The following MYSM1 variants were observed in gnomAD, a reference collection of about 807,000 sequenced individuals.
MYSM1 encodes deubiquitinase MYSM1.
MYSM1 carries 51 observed loss-of-function variants against 116.0 expected under a neutral mutation model. That is an observed-to-expected ratio of 0.44 (90% CI 0.35 to 0.56). The LOEUF (loss-of-function observed/expected upper bound fraction) is 0.56, where lower values mean the gene tolerates loss of function less well. MYSM1 is among the 20% of genes least tolerant of loss of function. The pLI is 0.00. For synonymous variants in MYSM1, 313 were observed against 315.2 expected, an observed-to-expected ratio of 0.99 and a Z score of 0.07; for missense variants, 900 against 974.9, an observed-to-expected ratio of 0.92 and a Z score of 1.02.
chr1:58,672,000 T>C (rs746631568), intron 11 of MYSM1, 42 bp from the exon 12 acceptor site: 1 of 1,483,590 alleles, frequency 6.7e-7, no homozygotes, highest in Non-Finnish European at 9.4e-7. Flanking sequence ...CATCATCTAC[T>C]AAGAGGCAGA....
Position 58,695,129 on chromosome 1 carries a change from A to C in MYSM1, c.147T>G (p.Ile49Met), listed in dbSNP as rs1312663261. Residue 49 changes from isoleucine to methionine, a missense_variant and splice_region_variant, in exon 2 of 20, where the codon ATT becomes ATG. Around this residue, in one of 3 missense-constraint regions of MYSM1, gnomAD observed 622 missense variants for 623.7 expected, o/e 1.00. Transcript: ENST00000472487. ...CCTGATATTTTTATAAAATACTTAC[A>C]ATAAGGCCATTCTCTGTTCTCCAAG... ...DSSWRTENGL[I>M]PWTLDNTISE... is the part of the protein sequence containing the mutation. 1 of 1,581,506 alleles carries C rather than the reference A, an allele frequency of 6.3e-7. No homozygotes were observed.
intron 2 of MYSM1, 39 bp downstream of exon 2, chr1:58,695,090 A>G: frequency 7.6e-7 from 1 of 1,310,490 alleles, no homozygotes; most frequent in Non-Finnish European, 1.1e-6. Flanking sequence ...GGCAATAAAT[A>G]ACAGCTTAAT....
At chr1:58,699,943 C>T in intron 1 of MYSM1, 42 bp downstream of exon 1, 1 of 1,612,248 alleles carries the variant, frequency 6.2e-7, no homozygotes, top group Non-Finnish European at 8.5e-7. Context: ...CTTCAATCCA[C>T]TCCCCTCTCC....
At chr1:58,693,013 T>C in intron 2 of MYSM1, 82 bp from the exon 3 acceptor site, 1 of 1,060,956 alleles carries the variant, frequency 9.4e-7, no homozygotes, top group Non-Finnish European at 1.4e-6. Flanking sequence ...AAAATACATG[T>C]TATAATGATT....
At chr1:58,660,674 T>C (rs1350898542) in intron 19 of MYSM1, among the ~76,000 whole-genome samples, 1 of 152,110 alleles carries the variant, frequency 6.6e-6, no homozygotes, top group Non-Finnish European at 1.5e-5. Flanking sequence ...CTATCCCCAA[T>C]TGCTATTTAA....
In MYSM1 at chr1:58,664,310, G is replaced by A. The variant is rs564946841; in HGVS notation, c.2164+1189C>T. 2.6e-5 allele frequency among the ~76,000 whole-genome samples: 4 copies of A among 152,266 alleles called. No homozygotes were observed. The South Asian group carries it at 8.3e-4, about 32-fold the overall frequency. ...TGAGCTAAAGAATAATATGTATTAT[G>A]TGCTATGCTCAAAATGGACATTCCA... On this transcript the variant is annotated intron_variant, in intron 17 of 19. Coordinates refer to ENST00000472487, the MANE Select transcript of MYSM1 (RefSeq NM_001085487.3).
At chr1:58,693,336 T>C (rs1644928181) in intron 2 of MYSM1, among the ~76,000 whole-genome samples, 1 of 152,188 alleles carries the variant, frequency 6.6e-6, no homozygotes, top group Admixed American at 6.5e-5. Context: ...TCCTACTCAT[T>C]TTCAACGCTC....
At chr1:58,696,946 T>C (rs943440480) in intron 1 of MYSM1, among the ~76,000 whole-genome samples, 4 of 152,198 alleles carry the variant, frequency 2.6e-5, no homozygotes, top group African/African-American at 9.7e-5. Context: ...TGATCAGATC[T>C]GGATATAAGA....
intron 12 of MYSM1, among the ~76,000 whole-genome samples, chr1:58,670,371 G>T (rs1644542342): frequency 6.6e-6 from 1 of 152,142 alleles, no homozygotes; most frequent in Admixed American, 6.5e-5. Flanking sequence ...TGAAGGACTA[G>T]AAATAGACAA....
chr1:58,684,270 A>G (rs1194454641), intron 7 of MYSM1, among the ~76,000 whole-genome samples: 1 of 152,188 alleles, frequency 6.6e-6, no homozygotes, highest in East Asian at 1.9e-4. Flanking sequence ...AAGAGGATAT[A>G]TTAAAAAATT....
chr1:58,678,977 C>T (rs1052123105), intron 8 of MYSM1, among the ~76,000 whole-genome samples: 5 of 152,048 alleles, frequency 3.3e-5, no homozygotes, highest in African/African-American at 7.3e-5. Context: ...AAAGTGAGAA[C>T]GAGGTTGTCA....
Position 58,677,075 on chromosome 1 carries a change from T to C in MYSM1, c.1260-19A>G. The C allele has an allele frequency of 6.4e-7, 1 of 1,567,000 alleles. No homozygotes were observed. The highest frequency in any genetic ancestry group is 8.6e-7 in the Non-Finnish European group (1 of 1,159,146). On this transcript the variant is annotated intron_variant, in intron 8 of 19. Transcript: ENST00000472487. ...TATCTCCCTAATTAAGAGACAGAAGTACAATTATTTTGGATAAATAAAAAC... is the reference window on the plus strand; with the variant it reads ...TATCTCCCTAATTAAGAGACAGAAGCACAATTATTTTGGATAAATAAAAAC...
intron 1 of MYSM1, 51 bp from the exon 2 acceptor site, chr1:58,695,258 G>T: frequency 8.6e-7 from 1 of 1,167,552 alleles, no homozygotes; most frequent in Non-Finnish European, 1.3e-6. Context: ...ATTAGTTAAT[G>T]AATGTAACTT....
intron 17 of MYSM1, among the ~76,000 whole-genome samples, chr1:58,662,808 A>G (rs1173314290): frequency 6.6e-6 from 1 of 152,102 alleles, no homozygotes; most frequent in Admixed American, 6.6e-5. Flanking sequence ...TTTTTTATTT[A>G]ATTGCTCAAT....
intron 15 of MYSM1, 127 bp downstream of exon 15, chr1:58,667,720 T>C (rs1644495291): frequency 1.6e-6 from 1 of 621,728 alleles, no homozygotes; most frequent in African/African-American, 1.8e-5. Flanking sequence ...CTTGCTACAT[T>C]TGCATATTCT....
rs554966608 is a variant in MYSM1, at chr1:58,665,665, C to G, written c.2032-34G>C. The G allele has an allele frequency of 3.6e-6, 5 of 1,374,616 alleles. No homozygotes were observed. In the South Asian group the frequency reaches 6.4e-5, roughly 18 times the overall value. 85.2% of individuals were successfully genotyped at this position (1,374,616 alleles called of 1,614,324 possible). Reference sequence around the variant, plus strand: ...ACAAGAAAAATATAATTAGTTTCAACTATATAAATTCAAAAGCCAATATTT... The same window carrying G: ...ACAAGAAAAATATAATTAGTTTCAAGTATATAAATTCAAAAGCCAATATTT... On this transcript the variant is annotated intron_variant, in intron 16 of 19. Coordinates refer to ENST00000472487, the MANE Select transcript of MYSM1 (RefSeq NM_001085487.3).
chr1:58,671,239 T>A (rs1369854040), intron 12 of MYSM1, among the ~76,000 whole-genome samples: 1 of 152,168 alleles, frequency 6.6e-6, no homozygotes, highest in Non-Finnish European at 1.5e-5. Context: ...GAAGACTATA[T>A]GAGCTAATAA....
intron 1 of MYSM1, among the ~76,000 whole-genome samples, chr1:58,696,455 G>A (rs915676652): frequency 1.3e-5 from 2 of 152,076 alleles, no homozygotes; most frequent in African/African-American, 2.4e-5. Flanking sequence ...ATCTCACTCA[G>A]TGGCACCACC....
Position 58,690,263 on chromosome 1 carries a change from AAAAAG to A in MYSM1, c.297-19_297-15del, listed in dbSNP as rs1458979135. On this transcript the variant is annotated splice_polypyrimidine_tract_variant and intron_variant, in intron 4 of 19. Transcript: ENST00000472487. Reference sequence around the variant, plus strand: ...GTTTTCTGCAGACTGCATCACATGAAAAAAGAAAATAAGGAAGCGTGTGAGGTTTC... The same window carrying A: ...GTTTTCTGCAGACTGCATCACATGAAAAAATAAGGAAGCGTGTGAGGTTTC... 2.5e-6 allele frequency: 4 copies of A among 1,574,228 alleles called. No homozygotes were observed. The highest frequency in any genetic ancestry group is 1.2e-5 in the South Asian group (1 of 81,642).
Sources: allele counts gnomAD v4.1 joint callset (sites outside exome capture counted in the v4.1 genomes callset), GRCh38; gene constraint gnomAD v4.1.1; regional missense constraint gnomAD v4.1.1; transcripts MANE v1.5; gene names NCBI Gene and HGNC (gene_info 2026-07-23, HGNC 2026-07-21).